Variants in RASGRF1 observed in about 807,000 individuals in gnomAD.
RASGRF1 encodes the protein ras-specific guanine nucleotide-releasing factor 1.
In RASGRF1, 40 loss-of-function variants were observed where a neutral mutation model predicts 138.7. The observed-to-expected ratio is 0.29, with a 90% confidence interval of 0.22 to 0.38. The LOEUF (loss-of-function observed/expected upper bound fraction) is 0.38. RASGRF1 is among the 10% of genes least tolerant of loss of function. RASGRF1 has a pLI of 1.00. For synonymous variants in RASGRF1, 614 were observed against 663.2 expected (o/e 0.93, Z 1.14); for missense variants, 1,108 against 1,650.4 (o/e 0.67, Z 5.69).
intron 26 of RASGRF1, among the ~76,000 whole-genome samples, chr15:78,968,278 G>GTGTGTGTGTGTGTGTGTT (rs1182407393): frequency 6.6e-6 from 1 of 151,202 alleles, no homozygotes; most frequent in Non-Finnish European, 1.5e-5. Context: ...GTGTGTGTGT[G>GTGTGTGTGTGTGTGTGTT]TTTTATTTTT....
chr15:79,059,849 C>T (rs756705799), intron 2 of RASGRF1, among the ~76,000 whole-genome samples: 6 of 151,922 alleles, frequency 3.9e-5, no homozygotes, highest in African/African-American at 7.3e-5. Flanking sequence ...TGCCTTTTTT[C>T]GTACATAGGA....
Position 79,090,194 on chromosome 15 carries a change from G to A in RASGRF1, c.276+29C>T, listed in dbSNP as rs780436506. The A allele has an allele frequency of 1.9e-6, 3 of 1,567,624 alleles. 1 individual carries two copies. The highest frequency in any genetic ancestry group is 2.3e-5 in the South Asian group (2 of 86,892). ...CCCCCAGGGCCGCGGCCGGGACGCA[G>A]GGAGGTCAGGACGCGACGCTCGCCT... On this transcript the variant is annotated intron_variant, in intron 1 of 26. Coordinates refer to ENST00000558480, the MANE Select transcript of RASGRF1 (RefSeq NM_001145648.3).
chr15:79,042,422 G>A (rs2057308602), intron 5 of RASGRF1, among the ~76,000 whole-genome samples: 1 of 152,224 alleles, frequency 6.6e-6, no homozygotes, highest in Admixed American at 6.5e-5. Context: ...GAGCAGTGAG[G>A]TTCACATCCT....
At chr15:78,967,506 A>G (rs937695424) in intron 26 of RASGRF1, among the ~76,000 whole-genome samples, 1 of 151,780 alleles carries the variant, frequency 6.6e-6, no homozygotes, top group East Asian at 1.9e-4. Context: ...CCAAGATCAC[A>G]CTATAGCACT....
intron 9 of RASGRF1, among the ~76,000 whole-genome samples, chr15:79,025,716 G>A (rs2057037485): frequency 6.6e-6 from 1 of 152,144 alleles, no homozygotes; most frequent in Admixed American, 6.5e-5. Flanking sequence ...GGGGCTAGGG[G>A]CTAAGCAAGC....
rs2057875921 is a variant in RASGRF1, at chr15:79,078,896, A to T, written c.276+11327T>A. On this transcript the variant is annotated intron_variant, in intron 1 of 26. Transcript: ENST00000558480. ...GGAAGAGGCCTGCGGCCAGAGACTG[A>T]CCTCCTGGGTGCCATGCTATGTGCT... is the stretch of plus-strand genomic sequence containing the variant. Among the ~76,000 whole-genome samples the T allele has an allele frequency of 2.6e-5, 4 of 152,196 alleles. No homozygotes were observed. In the South Asian group the frequency reaches 8.3e-4, roughly 32 times the overall value.
At chr15:78,966,467 T>G (rs1371496983) in intron 26 of RASGRF1, among the ~76,000 whole-genome samples, 1 of 152,056 alleles carries the variant, frequency 6.6e-6, no homozygotes, top group South Asian at 2.1e-4. Flanking sequence ...CTCAAACTTC[T>G]GGCCTCAAGC....
chr15:79,067,592 C>T (rs181116911), intron 1 of RASGRF1, among the ~76,000 whole-genome samples: 22 of 152,178 alleles, frequency 1.4e-4, no homozygotes, highest in African/African-American at 5.3e-4. Context: ...TCCCTTTGTG[C>T]TCGTAAACCT....
intron 11 of RASGRF1, 133 bp from the exon 12 acceptor site, chr15:79,018,039 CT>C: frequency 1.8e-6 from 2 of 1,111,946 alleles, no homozygotes; most frequent in Non-Finnish European, 2.5e-6. Context: ...ATTGCTGCTA[CT>C]TTCAGAATAT....
chr15:79,024,812 T>G (rs1180458041), intron 10 of RASGRF1, among the ~76,000 whole-genome samples: 1 of 152,014 alleles, frequency 6.6e-6, no homozygotes, highest in African/African-American at 2.4e-5. Context: ...CAGGTATTTC[T>G]TCATAGCAGT....
chr15:78,990,666 G>A (rs773030199), intron 21 of RASGRF1, among the ~76,000 whole-genome samples: 1 of 152,214 alleles, frequency 6.6e-6, no homozygotes, highest in Non-Finnish European at 1.5e-5. Context: ...TCTGTAGGAT[G>A]AGGGAATAGA....
At chr15:79,056,959 T>C (rs912697228) in intron 3 of RASGRF1, among the ~76,000 whole-genome samples, 1 of 152,242 alleles carries the variant, frequency 6.6e-6, no homozygotes, top group Non-Finnish European at 1.5e-5. Flanking sequence ...CTGCAGGTTC[T>C]TGGAGCCTTG....
intron 16 of RASGRF1, among the ~76,000 whole-genome samples, chr15:79,000,833 C>T (rs773977592): frequency 3.9e-5 from 6 of 152,196 alleles, no homozygotes; most frequent in Non-Finnish European, 8.8e-5. Flanking sequence ...TGCAGTATGT[C>T]CAGGCAGTTT....
rs1010326704 is a variant in RASGRF1, at chr15:79,090,726, A to G, written c.-228T>C. 1.5e-5 allele frequency: 9 copies of G among 597,900 alleles called. No individual in the cohort carries two copies. The highest frequency in any genetic ancestry group is 2.2e-5 in the Non-Finnish European group (8 of 357,800). 37.0% of individuals were successfully genotyped at this position (597,900 alleles called of 1,614,324 possible). On this transcript the variant is annotated 5_prime_UTR_variant, in exon 1 of 27. Transcript: ENST00000558480. ...CCTCTTCTCCGCTCCGCAGAGCCCC[A>G]GTACCCGGAAGATGCCGCCCGACCC...
intron 14 of RASGRF1, chr15:79,005,649 A>C (rs1319662958): frequency 1.0e-6 from 1 of 990,042 alleles, no homozygotes; most frequent in Non-Finnish European, 1.2e-6. Context: ...CACCCCAAGT[A>C]GGCCAAAAAG....
chr15:79,044,846 A>AT lies in RASGRF1; in HGVS notation c.878+1899dup, dbSNP rs200932179. On this transcript the variant is annotated intron_variant, in intron 5 of 26. Coordinates refer to ENST00000558480, the MANE Select transcript of RASGRF1 (RefSeq NM_001145648.3). ...GATAAAAATATAAAACCATGTTGTGATTTTTTTTTCTGAACAACTTTTGAA... is the reference window on the plus strand; with the variant it reads ...GATAAAAATATAAAACCATGTTGTGATTTTTTTTTTCTGAACAACTTTTGAA... 1.1e-4 allele frequency among the ~76,000 whole-genome samples: 17 copies of AT among 151,778 alleles called. No individual in the cohort carries two copies. In the East Asian group the frequency reaches 1.2e-3, roughly 10 times the overall value.
Position 79,007,714 on chromosome 15 carries a change from G to A in RASGRF1, c.1827-1280C>T, listed in dbSNP as rs145289417. Among the ~76,000 whole-genome samples, 518 of 151,460 alleles carry A rather than the reference G, an allele frequency of 3.4e-3. 1 individual carries two copies. The highest frequency in any genetic ancestry group is 0.012 in the African/African-American group (483 of 41,302). ...TTACAGGTACATGCCACTATGCCTC[G>A]CTAATTTTTGTATTTTTTGGTAGAG... On this transcript the variant is annotated intron_variant, in intron 13 of 26. Transcript: ENST00000558480.
At chr15:78,967,884 A>C (rs543597095) in intron 26 of RASGRF1, among the ~76,000 whole-genome samples, 89 of 152,340 alleles carry the variant, frequency 5.8e-4, no homozygotes, top group African/African-American at 2.0e-3. Context: ...ATTCTCTTAC[A>C]TAACCATAAC....
intron 1 of RASGRF1, among the ~76,000 whole-genome samples, chr15:79,084,947 C>T (rs935985938): frequency 1.3e-5 from 2 of 152,154 alleles, no homozygotes; most frequent in East Asian, 1.9e-4. Context: ...TTTTTTTAAT[C>T]GTAAAGACCC....
Sources: allele counts gnomAD v4.1 joint callset (sites outside exome capture counted in the v4.1 genomes callset), GRCh38; gene constraint gnomAD v4.1.1; transcripts MANE v1.5; gene names NCBI Gene and HGNC (gene_info 2026-07-23, HGNC 2026-07-21).